POLRMT: variants seen among roughly 807,000 people sequenced by gnomAD.
POLRMT encodes RNA polymerase mitochondrial, also known as DNA-directed RNA polymerase, mitochondrial.
Under a neutral mutation model 132.2 loss-of-function variants are expected in POLRMT, and 114 were observed. That is an observed-to-expected ratio of 0.86 (90% confidence interval 0.74 to 1.01). The LOEUF is 1.01. Among genes scored for constraint, POLRMT ranks in the 50% least tolerant of loss-of-function variants. The pLI, the probability that POLRMT is intolerant of heterozygous loss-of-function variation, is 0.00. For synonymous variants in POLRMT, 1,020 were observed against 773.4 expected (o/e 1.32, Z -5.29); for missense variants, 2,003 against 1,729.1 (o/e 1.16, Z -2.81).
At position 618,714 on chromosome 19, in the gene POLRMT, T is replaced by G; in HGVS notation, c.3314A>C (p.Asp1105Ala). ...IQSITYTHNG[D>A]ISRKPNTRKQ... ...CGGGCCCCCCACTCACCGGCTGATG[T>G]CTCCGTTGTGGGTGTAGGTGATGCT... is the stretch of plus-strand genomic sequence containing the variant. Residue 1105 changes from aspartate to alanine, a missense_variant, in exon 16 of 21, where the codon GAC (aspartate) becomes GCC (alanine). By Grantham distance (126) the Asp-to-Ala change is moderately radical. Transcript: ENST00000588649. 1 of 1,607,760 alleles carries G rather than the reference T, an allele frequency of 6.2e-7. No individual in the cohort carries two copies. The highest frequency in any genetic ancestry group is 1.3e-5 in the African/African-American group (1 of 74,900).
At chr19:623,387 C>T (rs112862884) in intron 6 of POLRMT, 67 bp downstream of exon 6, 2 of 1,579,944 alleles carry the variant, frequency 1.3e-6, no homozygotes, top group Non-Finnish European at 1.7e-6. Context: ...CGGCTCAGCC[C>T]GTGCGGTGGA....
chr19:631,338 A>AAAGG (rs764803872), intron 2 of POLRMT, among the ~76,000 whole-genome samples: 4 of 113,360 alleles, frequency 3.5e-5, no homozygotes, highest in Admixed American at 9.1e-5. Context: ...AAAAAAAAAA[A>AAAGG]GGGGGGGGGG....
chr19:626,436 G>C (rs1240347927), intron 3 of POLRMT, among the ~76,000 whole-genome samples: 2 of 150,876 alleles, frequency 1.3e-5, no homozygotes, highest in Admixed American at 6.6e-5. Flanking sequence ...TTACAGGTGT[G>C]AGCCACCACG....
intron 13 of POLRMT, 114 bp downstream of exon 13, chr19:619,472 T>G: frequency 7.0e-7 from 1 of 1,437,954 alleles, no homozygotes; most frequent in Non-Finnish European, 9.5e-7. Context: ...AGGCAGCCAG[T>G]GGTCTGGGGG....
At position 629,720 on chromosome 19, in the gene POLRMT, G is replaced by A. The variant is rs143562847; in HGVS notation, c.642C>T (p.His214=). 682 of 1,590,916 alleles carry A rather than the reference G, an allele frequency of 4.3e-4. 4 individuals are homozygous for A. The African/African-American group carries it at 8.0e-3, about 19-fold the overall frequency. ...GCTGACCTGAGAGCTGGGCCTGCGA[G>A]TGCTGCCCCGACGGGGCCTGCTCCA... ...LDVEQAPSGQ[H]SQAQLSGQQQ... is the part of the protein sequence containing the mutation. Residue 214 remains histidine, a synonymous_variant, in exon 3 of 21, where the codon CAC becomes CAT. Coordinates refer to ENST00000588649, the MANE Select transcript of POLRMT (RefSeq NM_005035.4).
chr19:623,073 A>G, intron 6 of POLRMT, 88 bp from the exon 7 acceptor site: 1 of 1,453,888 alleles, frequency 6.9e-7, no homozygotes, highest in Non-Finnish European at 9.3e-7. Flanking sequence ...CTCCCTGCAG[A>G]GACCTCATGG....
Position 617,476 on chromosome 19 carries a change from G to A in POLRMT, c.3586C>T (p.Gln1196Ter). ...FLVKRFCSEP[Q>*]KILEASQLKE... ...AGCTGGCTGGCCTCCAAGATCTTCT[G>A]GGGCCTGGGGTTGGAAGCAGGGTGG... The change falls in exon 20 of 21, where the codon CAG becomes TAG. Residue 1196 changes from glutamine (Q) to a stop codon, truncating the protein, a stop_gained. Coordinates refer to ENST00000588649, the MANE Select transcript of POLRMT (RefSeq NM_005035.4). LOFTEE classifies it high-confidence loss of function. 6.2e-7 allele frequency: 1 copy of A among 1,611,666 alleles called. No homozygotes were observed. The highest frequency in any genetic ancestry group is 8.5e-7 in the Non-Finnish European group (1 of 1,179,766).
At chr19:623,722 C>A in intron 5 of POLRMT, 119 bp from the exon 6 acceptor site, 5 of 1,275,182 alleles carry the variant, frequency 3.9e-6, no homozygotes, top group Non-Finnish European at 5.4e-6. Context: ...TGGTGGCTAT[C>A]GCTGACGCGG....
chr19:619,182 G>A (rs1310996072), intron 14 of POLRMT, 28 bp downstream of exon 14: 1 of 1,610,722 alleles, frequency 6.2e-7, no homozygotes, highest in Non-Finnish European at 8.5e-7. Flanking sequence ...AGGGAGTCCT[G>A]GCCGAGCGGG....
In POLRMT at chr19:621,340, C is replaced by T. The variant is rs1192778390; in HGVS notation, c.2358G>A (p.Ala786=). ...RAEALYRLSL[A]QHLRDRVFWL... is the part of the protein sequence containing the mutation. ...AGAAGACGCGGTCCCGCAGGTGCTGCGCCAGCGAGAGGCGGTACAGCGCCT... is the reference window on the plus strand; with the variant it reads ...AGAAGACGCGGTCCCGCAGGTGCTGTGCCAGCGAGAGGCGGTACAGCGCCT... Residue 786 remains alanine (A), a synonymous_variant, in exon 10 of 21, where the codon GCG becomes GCA. Coordinates refer to ENST00000588649, the MANE Select transcript of POLRMT (RefSeq NM_005035.4). 6.9e-6 allele frequency: 11 copies of T among 1,587,698 alleles called. No individual in the cohort carries two copies. Among genetic ancestry groups the T allele is most frequent in the Non-Finnish European group, 9.4e-6 (11 of 1,174,500 alleles).
In POLRMT at chr19:625,192, G is replaced by A. The variant is rs1178344962; in HGVS notation, c.885C>T (p.Asp295=). Residue 295 remains aspartate (D), a synonymous_variant, in exon 4 of 21, where the codon GAC becomes GAT. Coordinates refer to ENST00000588649, the MANE Select transcript of POLRMT (RefSeq NM_005035.4). The part of the protein sequence containing the change: ...FMVKDAGLTP[D]LLSYAAALQC... ...GGAGGGCAGCCGCATAGGACAGCAG[G>A]TCCGGAGTCAAGCCGGCATCCTTCA... The A allele has an allele frequency of 1.9e-6, 3 of 1,614,056 alleles. No individual in the cohort carries two copies. Among genetic ancestry groups the A allele is most frequent in the Admixed American group, 1.7e-5 (1 of 60,024 alleles).
chr19:620,128 C>G (rs763461048), intron 11 of POLRMT, 48 bp from the exon 12 acceptor site: 103 of 1,529,782 alleles, frequency 6.7e-5, no homozygotes, highest in Non-Finnish European at 1.6e-5. Flanking sequence ...GAGGCAGAGA[C>G]GTGTGGGACC....
intron 10 of POLRMT, 50 bp downstream of exon 10, chr19:621,008 A>AGGGCGCGGGGGC: frequency 1.2e-6 from 1 of 811,302 alleles, no homozygotes; most frequent in Non-Finnish European, 1.5e-6. Context: ...GCGCCGGGGG[A>AGGGCGCGGGGGC]GGGCGCGGGG....
chr19:623,400 C>T, intron 6 of POLRMT, 54 bp downstream of exon 6: 4 of 1,591,478 alleles, frequency 2.5e-6, no homozygotes, highest in Non-Finnish European at 3.4e-6. Context: ...GCGGTGGACA[C>T]GCGACCCCGG....
In POLRMT at chr19:633,530, G is replaced by GCGCCGCCGCCGCCGCCGCCT; in HGVS notation, c.-19_-18insAGGCGGCGGCGGCGGCGGCG. On this transcript the variant is annotated 5_prime_UTR_variant, in exon 1 of 21. Transcript: ENST00000588649. ...GCCGACATTACGCACGCCGCTCCAG[G>GCGCCGCCGCCGCCGCCGCCT]CCACCCCACCGGCCCGCGCCTGCGC... 1 of 1,319,394 alleles carries GCGCCGCCGCCGCCGCCGCCT rather than the reference G, an allele frequency of 7.6e-7. No homozygotes were observed. The highest frequency in any genetic ancestry group is 9.5e-7 in the Non-Finnish European group (1 of 1,051,216). 81.7% of individuals were successfully genotyped at this position (1,319,394 alleles called of 1,614,324 possible). A position where few individuals can be genotyped will look rare whatever the true frequency, so the allele number is the denominator to read the frequency against.
chr19:619,336 G>T (rs767916781), intron 13 of POLRMT, 40 bp from the exon 14 acceptor site: 2 of 1,588,514 alleles, frequency 1.3e-6, no homozygotes, highest in Non-Finnish European at 8.6e-7. Context: ...CTCAGGGGCT[G>T]GCCCGTTCAC....
At position 617,343 on chromosome 19, in the gene POLRMT, G is replaced by T; in HGVS notation, c.3644-20C>A. The T allele has an allele frequency of 6.2e-7, 1 of 1,612,734 alleles. No homozygotes were observed. The highest frequency in any genetic ancestry group is 8.5e-7 in the Non-Finnish European group (1 of 1,179,866). On this transcript the variant is annotated intron_variant, in intron 20 of 20. Transcript: ENST00000588649. The stretch of plus-strand genomic sequence containing the variant: ...AGGCCCCTGCGGAGGAAGCAGAGCG[G>T]ACGGCGTGGGTGGCGGGAAAGCCCC...
intron 9 of POLRMT, 29 bp from the exon 10 acceptor site, chr19:621,875 G>GC (rs1203731300): frequency 6.3e-7 from 1 of 1,598,472 alleles, no homozygotes; most frequent in African/African-American, 1.3e-5. Flanking sequence ...ACGGGTCAGG[G>GC]CCCCGGTGCT....
At chr19:621,914 T>C in intron 9 of POLRMT, 68 bp from the exon 10 acceptor site, 5 of 1,542,178 alleles carry the variant, frequency 3.2e-6, no homozygotes, top group Non-Finnish European at 4.4e-6. Flanking sequence ...CCCCTTAAAC[T>C]TGGGTGAGAG....
Sources: gnomAD v4.1 joint callset for allele counts (sites outside exome capture counted in the v4.1 genomes callset) on GRCh38, gnomAD v4.1.1 for gene constraint, MANE v1.5 for transcripts, NCBI Gene and HGNC (gene_info 2026-07-23, HGNC 2026-07-21) for gene names.